The following NCOA1 variants were observed in gnomAD, a reference collection of about 807,000 sequenced individuals.
The protein encoded by NCOA1 is nuclear receptor coactivator 1, also known as Hin-2 protein.
NCOA1 carries 35 observed loss-of-function variants against 150.9 expected under a neutral mutation model. The ratio of observed to expected loss-of-function variants is 0.23; its 90% CI spans 0.18 to 0.31. NCOA1 has a LOEUF of 0.31. NCOA1 is among the 10% of genes least tolerant of loss of function. The pLI is 1.00. For synonymous variants in NCOA1, 590 were observed against 630.0 expected, an observed-to-expected ratio of 0.94 and a Z score of 0.95; for missense variants, 1,491 against 1,749.3, an observed-to-expected ratio of 0.85 and a Z score of 2.63.
intron 3 of NCOA1, among the ~76,000 whole-genome samples, chr2:24,611,313 TATA>T (rs1668614288): frequency 6.6e-6 from 1 of 152,262 alleles, no homozygotes; most frequent in African/African-American, 2.4e-5. Flanking sequence ...TATTTCGTGG[TATA>T]CGTGTACCAC....
chr2:24,536,342 G>T (rs868355658), intron 1 of NCOA1, among the ~76,000 whole-genome samples: 3 of 152,156 alleles, frequency 2.0e-5, no homozygotes, highest in Non-Finnish European at 4.4e-5. Flanking sequence ...ATTCTAGTTA[G>T]CCATTCGCCT....
At chr2:24,565,234 G>GT (rs1338491866) in intron 2 of NCOA1, among the ~76,000 whole-genome samples, 8 of 152,178 alleles carry the variant, frequency 5.3e-5, no homozygotes, top group African/African-American at 1.9e-4. Context: ...AAATAGTTCT[G>GT]TTTTCACATG....
intron 1 of NCOA1, among the ~76,000 whole-genome samples, chr2:24,563,304 C>T (rs1229852905): frequency 6.6e-6 from 1 of 152,150 alleles, no homozygotes; most frequent in Non-Finnish European, 1.5e-5. Context: ...GCCAGAATGG[C>T]TTGTGTTTTG....
intron 3 of NCOA1, among the ~76,000 whole-genome samples, chr2:24,599,903 G>C (rs1039385791): frequency 6.6e-6 from 1 of 151,678 alleles, no homozygotes; most frequent in Admixed American, 6.6e-5. Context: ...GCAAATTTTT[G>C]TATTTTTAGT....
intron 14 of NCOA1, among the ~76,000 whole-genome samples, chr2:24,719,935 AAG>A (rs1674272949): frequency 1.3e-5 from 2 of 152,240 alleles, no homozygotes. Flanking sequence ...AGTATGGCAC[AAG>A]AGAGGAGGTT....
intron 3 of NCOA1, among the ~76,000 whole-genome samples, chr2:24,642,851 G>GA (rs1268594597): frequency 1.3e-5 from 2 of 152,122 alleles, no homozygotes; most frequent in Non-Finnish European, 2.9e-5. Flanking sequence ...TATGCTGAGT[G>GA]AAAAAAGCCA....
At chr2:24,583,233 A>T (rs1440819876) in intron 2 of NCOA1, among the ~76,000 whole-genome samples, 1 of 152,198 alleles carries the variant, frequency 6.6e-6, no homozygotes, top group Non-Finnish European at 1.5e-5. Context: ...TTCAGTTAAT[A>T]AATAGGCTAA....
At chr2:24,632,008 T>C (rs1401318359) in intron 3 of NCOA1, among the ~76,000 whole-genome samples, 1 of 152,150 alleles carries the variant, frequency 6.6e-6, no homozygotes, top group Non-Finnish European at 1.5e-5. Context: ...ATAAATAAAA[T>C]GTTAGAAATA....
In NCOA1 at chr2:24,537,867, A is replaced by G. The variant is rs376752046; in HGVS notation, c.-395-26428A>G. 5.9e-5 allele frequency among the ~76,000 whole-genome samples: 9 copies of G among 152,300 alleles called. No homozygotes were observed. In the East Asian group the frequency reaches 1.4e-3, roughly 23 times the overall value. The stretch of plus-strand genomic sequence containing the variant: ...AAATATATACAATAAAACTTGTTAA[A>G]AAAAGAAAACTAACATAGTGGAAAT... On this transcript the variant is annotated intron_variant, in intron 1 of 22. Transcript: ENST00000348332.
At chr2:24,697,878 T>C in intron 11 of NCOA1, 80 bp downstream of exon 11, 1 of 1,351,912 alleles carries the variant, frequency 7.4e-7, no homozygotes, top group Non-Finnish European at 1.0e-6. Context: ...ACTTATGGCT[T>C]GATAAGTATT....
intron 1 of NCOA1, among the ~76,000 whole-genome samples, chr2:24,533,574 G>A (rs1021977429): frequency 6.6e-6 from 1 of 152,240 alleles, no homozygotes; most frequent in Non-Finnish European, 1.5e-5. Flanking sequence ...TATGATATTG[G>A]CTGTGGGTTT....
intron 3 of NCOA1, among the ~76,000 whole-genome samples, chr2:24,607,080 AT>A (rs1351880070): frequency 6.6e-6 from 1 of 152,110 alleles, no homozygotes; most frequent in Non-Finnish European, 1.5e-5. Context: ...AAGTGGTACT[AT>A]TTAATTTTGA....
chr2:24,683,226 T>C, intron 8 of NCOA1, 98 bp downstream of exon 8: 1 of 675,592 alleles, frequency 1.5e-6, no homozygotes, highest in South Asian at 6.0e-5. Context: ...TAATACACAG[T>C]ATTATATATG....
At chr2:24,584,425 G>A (rs1168797868) in intron 2 of NCOA1, 51 bp from the exon 3 acceptor site, 1 of 152,084 alleles carries the variant, frequency 6.6e-6, no homozygotes, top group African/African-American at 2.4e-5. Flanking sequence ...AATTTCATGT[G>A]ATTGATCCAA....
intron 19 of NCOA1, among the ~76,000 whole-genome samples, chr2:24,750,067 G>T (rs773370194): frequency 6.6e-6 from 1 of 151,804 alleles, no homozygotes; most frequent in Non-Finnish European, 1.5e-5. Flanking sequence ...AACCCTAGAT[G>T]AGATAAACAG....
intron 2 of NCOA1, among the ~76,000 whole-genome samples, chr2:24,577,369 A>G (rs547996572): frequency 6.6e-6 from 1 of 152,326 alleles, no homozygotes; most frequent in Non-Finnish European, 1.5e-5. Flanking sequence ...CATTAAGTTT[A>G]TTTTTTAAAT....
At chr2:24,742,235 A>G in intron 19 of NCOA1, 49 bp downstream of exon 19, 1 of 1,541,132 alleles carries the variant, frequency 6.5e-7, no homozygotes, top group Non-Finnish European at 8.8e-7. Flanking sequence ...ATACAGGCTT[A>G]GGTCTCTCTC....
intron 22 of NCOA1, chr2:24,767,991 C>G: frequency 7.5e-7 from 1 of 1,332,420 alleles, no homozygotes; most frequent in Admixed American, 1.7e-5. Context: ...CTATAGGAGG[C>G]GTGACCATTC....
At chr2:24,646,407 A>G (rs1003937526) in intron 4 of NCOA1, among the ~76,000 whole-genome samples, 1 of 152,112 alleles carries the variant, frequency 6.6e-6, no homozygotes, top group Non-Finnish European at 1.5e-5. Context: ...AGGAAACAAC[A>G]TTTTTTATTG....
Sources: gnomAD v4.1 joint callset for allele counts (sites outside exome capture counted in the v4.1 genomes callset) on GRCh38, gnomAD v4.1.1 for gene constraint, MANE v1.5 for transcripts, NCBI Gene and HGNC (gene_info 2026-07-23, HGNC 2026-07-21) for gene names.